Variants in AGK observed in about 807,000 individuals in gnomAD.
AGK encodes acylglycerol kinase, mitochondrial.
AGK carries 52 observed loss-of-function variants against 66.4 expected under a neutral mutation model. The observed-to-expected ratio is 0.78, with a 90% CI of 0.63 to 0.99. AGK has a LOEUF of 0.99. AGK is among the 50% of genes least tolerant of loss of function. AGK has a pLI of 0.00. For missense variants in AGK, 451 were observed against 506.6 expected (o/e 0.89, Z 1.05); for synonymous variants, 182 against 181.1 (o/e 1.00, Z -0.04).
chr7:141,578,036 G>A (rs565773121), intron 2 of AGK, among the ~76,000 whole-genome samples: 9 of 151,994 alleles, frequency 5.9e-5, no homozygotes, highest in Admixed American at 2.0e-4. Flanking sequence ...GGCTGGTCTC[G>A]AACTCCTGAC....
intron 5 of AGK, among the ~76,000 whole-genome samples, chr7:141,602,643 T>G (rs1166281472): frequency 6.6e-6 from 1 of 152,094 alleles, no homozygotes; most frequent in South Asian, 2.1e-4. Context: ...TTTTGGCTTA[T>G]TGATCCTCTC....
chr7:141,630,677 T>C (rs1797036332), intron 9 of AGK, among the ~76,000 whole-genome samples: 1 of 152,204 alleles, frequency 6.6e-6, no homozygotes, highest in African/African-American at 2.4e-5. Flanking sequence ...CTTTGGTGTA[T>C]GAAAACTTAC....
intron 13 of AGK, among the ~76,000 whole-genome samples, chr7:141,643,327 TATCCCGGAACTTAAAATAGAAGTTTGAA>T (rs1189768517): frequency 6.6e-6 from 1 of 152,188 alleles, no homozygotes; most frequent in Non-Finnish European, 1.5e-5. Context: ...CCTGTGTATG[TATCCCGGAACTTAAAATAGAAGTTTGAA>T]GTTAAAAAAA....
chr7:141,646,926 CCT>C (rs1797424991), intron 13 of AGK, among the ~76,000 whole-genome samples: 1 of 152,150 alleles, frequency 6.6e-6, no homozygotes, highest in African/African-American at 2.4e-5. Flanking sequence ...GTGGCTCTCC[CCT>C]GAGTTTTGCC....
intron 5 of AGK, among the ~76,000 whole-genome samples, chr7:141,609,386 C>T (rs1221866765): frequency 1.3e-5 from 2 of 152,178 alleles, no homozygotes; most frequent in South Asian, 4.1e-4. Context: ...GTTCTCCCAA[C>T]CTCCCCTCAG....
Sources: allele counts gnomAD v4.1 joint callset (sites outside exome capture counted in the v4.1 genomes callset), GRCh38; gene constraint gnomAD v4.1.1; transcripts MANE v1.5; gene names NCBI Gene and HGNC (gene_info 2026-07-23, HGNC 2026-07-21).